Variants in EPYC observed in about 807,000 individuals in gnomAD.
The protein encoded by EPYC is dermatan sulfate proteoglycan 3.
In EPYC, 28 loss-of-function variants were observed where a neutral mutation model predicts 30.1. The observed-to-expected ratio is 0.93, with a 90% CI of 0.69 to 1.28. The LOEUF (loss-of-function observed/expected upper bound fraction) is 1.28. Among genes scored for constraint, EPYC ranks in the 50% most tolerant of loss-of-function variants. The pLI is 0.00. For synonymous variants in EPYC, 144 were observed against 141.4 expected (o/e 1.02, Z -0.13); for missense variants, 382 against 383.5 (o/e 1.00, Z 0.03).
Position 90,976,927 on chromosome 12 carries a change from C to T in EPYC, c.340+1161G>A, listed in dbSNP as rs374412042. On this transcript the variant is annotated intron_variant, in intron 3 of 6. Transcript: ENST00000261172. ...TGTAAGATACGCCTTTTGCCTTTCA[C>T]CATGATTTTGAGGCCTCCTCAGCCA... 5.9e-5 allele frequency among the ~76,000 whole-genome samples: 9 copies of T among 152,220 alleles called. No individual in the cohort carries two copies. In the East Asian group the frequency reaches 1.7e-3, roughly 29 times the overall value.
At chr12:90,979,691 T>C (rs764050263) in intron 2 of EPYC, among the ~76,000 whole-genome samples, 2 of 152,174 alleles carry the variant, frequency 1.3e-5, no homozygotes, top group Non-Finnish European at 2.9e-5. Flanking sequence ...TTACATTGGT[T>C]CCATTTGTTT....
intron 3 of EPYC, among the ~76,000 whole-genome samples, chr12:90,976,188 G>GAGTT (rs1877174035): frequency 6.6e-6 from 1 of 152,088 alleles, no homozygotes; most frequent in African/African-American, 2.4e-5. Context: ...AGGAAATGGG[G>GAGTT]AGTTGTTCAA....
At position 90,986,807 on chromosome 12, in the gene EPYC, T is replaced by C. The variant is rs557131304; in HGVS notation, c.166-8545A>G. Among the ~76,000 whole-genome samples, 4 of 152,260 alleles carry C rather than the reference T, an allele frequency of 2.6e-5. No individual in the cohort carries two copies. In the South Asian group the frequency reaches 8.3e-4, roughly 32 times the overall value. ...AAATGGTTATTTTAAGTAACCAAAA[T>C]TTGGGATTGCTTGTTACACAGCAAA... On this transcript the variant is annotated intron_variant, in intron 2 of 6. Transcript: ENST00000261172.
chr12:90,996,706 G>A (rs139989337), intron 2 of EPYC, among the ~76,000 whole-genome samples: 15 of 151,998 alleles, frequency 9.9e-5, no homozygotes, highest in Admixed American at 3.9e-4. Context: ...ATCTGTCCAT[G>A]GAAGAGAATT....
rs1161708882 is a variant in EPYC at position 90,970,115 on chromosome 12, A to G, written c.727T>C (p.Tyr243His). The G allele has an allele frequency of 6.2e-7, 1 of 1,613,810 alleles. No homozygotes were observed. The highest frequency in any genetic ancestry group is 2.2e-5 in the East Asian group (1 of 44,872). The change falls in exon 6 of 7, where the codon TAC becomes CAC. Residue 243 changes from tyrosine (Y) to histidine (H), a missense_variant. Coordinates refer to ENST00000261172, the MANE Select transcript of EPYC (RefSeq NM_004950.5). ...FKDMYDLHHLYLTDNNLDHIP... is the reference protein window; with the variant it reads ...FKDMYDLHHLHLTDNNLDHIP... ...TGGTCCAAGTTGTTATCAGTGAGGT[A>G]CAGATGATGGAGATCATACATGTCC...
chr12:90,985,727 C>G (rs1415701725), intron 2 of EPYC, among the ~76,000 whole-genome samples: 1 of 152,084 alleles, frequency 6.6e-6, no homozygotes, highest in African/African-American at 2.4e-5. Flanking sequence ...CTGGAAGGTG[C>G]ACTGCCCTAG....
intron 2 of EPYC, among the ~76,000 whole-genome samples, chr12:90,979,666 C>T (rs1358664894): frequency 1.3e-5 from 2 of 152,080 alleles, no homozygotes; most frequent in Non-Finnish European, 2.9e-5. Context: ...CTATTTCAGC[C>T]TTTTCTGTGC....
Position 90,971,965 on chromosome 12 carries a change from T to C in EPYC, c.537A>G (p.Ile179Met), listed in dbSNP as rs34062416. ...GGAATGCATCTTCATCAATCTCAGA[T>C]ATTAAATTTGATGTCAGATCAATCC... ...LKRIDLTSNL[I>M]SEIDEDAFRK... Residue 179 changes from isoleucine (I) to methionine (M), a missense_variant, in exon 5 of 7, where the codon ATA becomes ATG. Transcript: ENST00000261172. The C allele has an allele frequency of 1.9e-6, 3 of 1,605,724 alleles. No individual in the cohort carries two copies. The African/African-American group carries it at 4.0e-5, about 21-fold the overall frequency.
intron 2 of EPYC, among the ~76,000 whole-genome samples, chr12:90,982,655 T>A (rs934938828): frequency 2.6e-5 from 4 of 152,142 alleles, no homozygotes; most frequent in African/African-American, 9.7e-5. Context: ...TCTGCCTAAC[T>A]ACCTAAGCCT....
In EPYC at chr12:90,972,837, C is replaced by T. The variant is rs952902062; in HGVS notation, c.484G>A (p.Asp162Asn). 6.2e-7 allele frequency: 1 copy of T among 1,613,226 alleles called. No individual in the cohort carries two copies. The highest frequency in any genetic ancestry group is 1.3e-5 in the African/African-American group (1 of 74,888). ...TCATCCATACTTAGGCTTGCAAAGTCATTTTTGTTGATCTTTTTAATTCTG... is the reference window on the plus strand; with the variant it reads ...TCATCCATACTTAGGCTTGCAAAGTTATTTTTGTTGATCTTTTTAATTCTG... The part of the protein sequence containing the change: ...FNRIKKINKN[D>N]FASLSDLKRI... The change falls in exon 4 of 7, where the codon GAC becomes AAC. Residue 162 changes from aspartate to asparagine, a missense_variant. Coordinates refer to ENST00000261172, the MANE Select transcript of EPYC (RefSeq NM_004950.5).
chr12:90,982,264 A>G (rs1173822524), intron 2 of EPYC, among the ~76,000 whole-genome samples: 1 of 151,132 alleles, frequency 6.6e-6, no homozygotes, highest in Non-Finnish European at 1.5e-5. Flanking sequence ...ATGTAGTAAG[A>G]ATGGAATCTT....
intron 2 of EPYC, 49 bp from the exon 3 acceptor site, chr12:90,978,311 A>G (rs1383893309): frequency 2.6e-6 from 4 of 1,543,042 alleles, no homozygotes; most frequent in East Asian, 2.3e-5. Context: ...CTTCTCAGTC[A>G]CTCTGTGTGG....
At chr12:90,977,804 C>T (rs1877222384) in intron 3 of EPYC, among the ~76,000 whole-genome samples, 1 of 152,114 alleles carries the variant, frequency 6.6e-6, no homozygotes, top group African/African-American at 2.4e-5. Flanking sequence ...ATCAATTACT[C>T]TCTGTTCTAC....
At chr12:90,976,366 G>A (rs1393782761) in intron 3 of EPYC, among the ~76,000 whole-genome samples, 1 of 152,002 alleles carries the variant, frequency 6.6e-6, no homozygotes, top group African/African-American at 2.4e-5. Context: ...TTTACTATGG[G>A]CCAGTAACTA....
chr12:91,002,831 T>G (rs138160531), intron 1 of EPYC, among the ~76,000 whole-genome samples: 148 of 149,266 alleles, frequency 9.9e-4, no homozygotes, highest in African/African-American at 3.6e-3. Flanking sequence ...AATTTTATTT[T>G]ATTTTATAGA....
chr12:90,998,096 A>C (rs1378123576), intron 2 of EPYC, among the ~76,000 whole-genome samples: 1 of 152,120 alleles, frequency 6.6e-6, no homozygotes, highest in Non-Finnish European at 1.5e-5. Flanking sequence ...TCTATTCAAT[A>C]GGAATAACAA....
At chr12:90,977,367 T>C (rs773455975) in intron 3 of EPYC, among the ~76,000 whole-genome samples, 3 of 152,138 alleles carry the variant, frequency 2.0e-5, no homozygotes, top group Non-Finnish European at 2.9e-5. Flanking sequence ...TCTCATTAAC[T>C]AAAAGGCTCT....
chr12:90,984,871 G>A (rs1300923244), intron 2 of EPYC, among the ~76,000 whole-genome samples: 1 of 152,098 alleles, frequency 6.6e-6, no homozygotes, highest in East Asian at 1.9e-4. Context: ...GCCCAACCCA[G>A]GTACATGTTC....
intron 2 of EPYC, among the ~76,000 whole-genome samples, chr12:90,989,467 T>C (rs1197375444): frequency 2.0e-5 from 3 of 152,118 alleles, no homozygotes; most frequent in Admixed American, 1.3e-4. Context: ...CATAAAATCG[T>C]ATTTTGTATT....
Sources: allele counts gnomAD v4.1 joint callset (sites outside exome capture counted in the v4.1 genomes callset), GRCh38; gene constraint gnomAD v4.1.1; transcripts MANE v1.5; gene names NCBI Gene and HGNC (gene_info 2026-07-23, HGNC 2026-07-21).